The following CALN1 variants were observed in gnomAD, a reference collection of about 807,000 sequenced individuals.
CALN1 encodes the protein calcium-binding protein 8.
In CALN1, 17 loss-of-function variants were observed where a neutral mutation model predicts 30.6. That is an observed-to-expected ratio of 0.56 (90% CI 0.38 to 0.83). The LOEUF (loss-of-function observed/expected upper bound fraction) is 0.83, where lower values mean the gene tolerates loss of function less well. CALN1 is among the 40% of genes least tolerant of loss of function. CALN1 has a pLI of 0.00. For synonymous variants in CALN1, 156 were observed against 131.4 expected (o/e 1.19, Z -1.28); for missense variants, 291 against 354.9 (o/e 0.82, Z 1.45).
intron 3 of CALN1, among the ~76,000 whole-genome samples, chr7:72,146,717 T>C (rs879786722): frequency 6.6e-5 from 10 of 152,162 alleles, no homozygotes; most frequent in Non-Finnish European, 1.2e-4. Flanking sequence ...GACTTCAAAC[T>C]ATACTACAAG....
intron 2 of CALN1, among the ~76,000 whole-genome samples, chr7:72,376,490 TACTG>T (rs1190195890): frequency 1.3e-5 from 2 of 152,224 alleles, no homozygotes; most frequent in Admixed American, 6.5e-5. Context: ...TTCATGTGCT[TACTG>T]ACTACTTGTG....
intron 3 of CALN1, among the ~76,000 whole-genome samples, chr7:72,155,534 G>C (rs1323566799): frequency 6.6e-6 from 1 of 151,862 alleles, no homozygotes; most frequent in Non-Finnish European, 1.5e-5. Flanking sequence ...AAGAAAATGT[G>C]TGTTGTTTAA....
At chr7:72,143,692 A>C (rs1810129605) in intron 3 of CALN1, among the ~76,000 whole-genome samples, 1 of 152,196 alleles carries the variant, frequency 6.6e-6, no homozygotes, top group Non-Finnish European at 1.5e-5. Flanking sequence ...CCAAAGTTGA[A>C]ATGAAGAAAA....
In CALN1 at chr7:72,045,996, CAAA is replaced by C. The variant is rs34011098; in HGVS notation, c.389-22230_389-22228del. Among the ~76,000 whole-genome samples the C allele has an allele frequency of 1.9e-3, 171 of 90,704 alleles. 1 individual carries two copies. Among genetic ancestry groups the C allele is most frequent in the African/African-American group, 6.4e-3 (156 of 24,376 alleles). The allele number at this position is 90,704 out of a possible 152,430, so 59.5% of individuals were successfully genotyped here. A position where few individuals can be genotyped will look rare whatever the true frequency, so the allele number is the denominator to read the frequency against. On this transcript the variant is annotated intron_variant, in intron 4 of 6. Transcript: ENST00000395275. ...CCTGGGCAACAGCGAGACTCCCTCT[CAAA>C]AAAAAAAAAAAAAAAAAGGATTCAG... is the stretch of plus-strand genomic sequence containing the variant.
At chr7:72,442,311 G>A (rs977011339) in intron 1 of CALN1, among the ~76,000 whole-genome samples, 1 of 152,166 alleles carries the variant, frequency 6.6e-6, no homozygotes, top group Non-Finnish European at 1.5e-5. Context: ...GCCCAGCGCT[G>A]GCTCCCGCCT....
intron 1 of CALN1, among the ~76,000 whole-genome samples, chr7:72,406,711 G>T (rs1235543808): frequency 6.6e-6 from 1 of 150,958 alleles, no homozygotes; most frequent in African/African-American, 2.4e-5. Flanking sequence ...CTGCCTCCCA[G>T]GTTCAAGCCA....
At chr7:72,160,485 G>T in intron 3 of CALN1, among the ~76,000 whole-genome samples, 1 of 151,872 alleles carries the variant, frequency 6.6e-6, no homozygotes, top group East Asian at 1.9e-4. Flanking sequence ...CACCATGTTG[G>T]CCAGGCTGGT....
chr7:72,108,187 A>G (rs1807312660), intron 3 of CALN1, among the ~76,000 whole-genome samples: 1 of 152,046 alleles, frequency 6.6e-6, no homozygotes, highest in Non-Finnish European at 1.5e-5. Context: ...CCATCACTCC[A>G]ATCTCCATCT....
At chr7:72,252,593 A>T (rs773140016) in intron 3 of CALN1, among the ~76,000 whole-genome samples, 7 of 143,736 alleles carry the variant, frequency 4.9e-5, no homozygotes, top group Non-Finnish European at 9.0e-5. Context: ...TGAATGACAG[A>T]GCAAGACCCT....
intron 2 of CALN1, among the ~76,000 whole-genome samples, chr7:72,399,167 T>C (rs186796310): frequency 6.6e-6 from 1 of 151,504 alleles, no homozygotes; most frequent in African/African-American, 2.4e-5. Flanking sequence ...TGCAGTAACG[T>C]AGGCTGACAA....
chr7:72,118,598 A>G (rs1808159737), intron 3 of CALN1, among the ~76,000 whole-genome samples: 1 of 152,242 alleles, frequency 6.6e-6, no homozygotes, highest in South Asian at 2.1e-4. Context: ...GAAAGAACAA[A>G]GCAAATTAGA....
At chr7:72,307,756 G>A (rs760048807) in intron 2 of CALN1, among the ~76,000 whole-genome samples, 4 of 152,110 alleles carry the variant, frequency 2.6e-5, no homozygotes, top group East Asian at 3.9e-4. Flanking sequence ...GAGAGCAGCC[G>A]GCAACAGGGA....
chr7:72,052,721 A>G (rs548063040), intron 4 of CALN1, among the ~76,000 whole-genome samples: 1 of 152,306 alleles, frequency 6.6e-6, no homozygotes, highest in Admixed American at 6.5e-5. Context: ...AACTCACTTC[A>G]GTCTCAGAAA....
chr7:72,368,205 G>GTA (rs571692397), intron 2 of CALN1, among the ~76,000 whole-genome samples: 1 of 150,798 alleles, frequency 6.6e-6, no homozygotes, highest in South Asian at 2.1e-4. Flanking sequence ...ATATGTGTGT[G>GTA]TATATATATC....
chr7:71,839,360 C>T (rs1240345899), intron 5 of CALN1, among the ~76,000 whole-genome samples: 3 of 152,024 alleles, frequency 2.0e-5, no homozygotes, highest in Admixed American at 2.0e-4. Flanking sequence ...GATGAAATCC[C>T]ATCTCTACTA....
At position 72,282,882 on chromosome 7, in the gene CALN1, C is replaced by T. The variant is rs146476195; in HGVS notation, c.120-4072G>A. 4.9e-3 allele frequency among the ~76,000 whole-genome samples: 747 copies of T among 151,964 alleles called. 2 individuals carry two copies. The highest frequency in any genetic ancestry group is 0.017 in the African/African-American group (708 of 41,422). On this transcript the variant is annotated intron_variant, in intron 2 of 6. Coordinates refer to ENST00000395275, the MANE Select transcript of CALN1 (RefSeq NM_031468.4). Reference sequence around the variant, plus strand: ...CAGCCTGGACAACATGGTGAAACCCCGTCTCTACTAAAAATACAAATATTA... The same window carrying T: ...CAGCCTGGACAACATGGTGAAACCCTGTCTCTACTAAAAATACAAATATTA...
At chr7:71,852,999 T>C (rs1790738050) in intron 5 of CALN1, among the ~76,000 whole-genome samples, 1 of 152,186 alleles carries the variant, frequency 6.6e-6, no homozygotes, top group South Asian at 2.1e-4. Flanking sequence ...GTTGAAAATA[T>C]TTTTTTCCTA....
At chr7:71,872,200 CCT>C (rs964441052) in intron 5 of CALN1, among the ~76,000 whole-genome samples, 11 of 152,092 alleles carry the variant, frequency 7.2e-5, no homozygotes, top group African/African-American at 1.9e-4. Flanking sequence ...AAATAATACC[CCT>C]GATTGACTTA....
intron 5 of CALN1, among the ~76,000 whole-genome samples, chr7:71,957,800 C>G (rs1195066398): frequency 3.9e-5 from 6 of 152,122 alleles, no homozygotes; most frequent in African/African-American, 1.4e-4. Flanking sequence ...CATGGTGGCT[C>G]ACACTTCTAA....
Sources: allele counts gnomAD v4.1 joint callset (sites outside exome capture counted in the v4.1 genomes callset), GRCh38; gene constraint gnomAD v4.1.1; transcripts MANE v1.5; gene names NCBI Gene and HGNC (gene_info 2026-07-23, HGNC 2026-07-21).